MSRA: variants seen among roughly 807,000 people sequenced by gnomAD.
MSRA encodes the protein mitochondrial peptide methionine sulfoxide reductase.
A neutral mutation model predicts 31.3 loss-of-function variants in MSRA; 54 were observed. The observed-to-expected ratio is 1.73, with a 90% confidence interval of 1.39 to 2.17. The LOEUF (loss-of-function observed/expected upper bound fraction) is 2.17, where lower values mean the gene tolerates loss of function less well. Among genes scored for constraint, MSRA ranks in the 30% most tolerant of loss-of-function variants. The pLI is 0.00. For missense variants in MSRA, 507 were observed against 300.9 expected, an observed-to-expected ratio of 1.69 and a Z score of -5.07; for synonymous variants, 169 against 116.5, an observed-to-expected ratio of 1.45 and a Z score of -2.90.
intron 3 of MSRA, among the ~76,000 whole-genome samples, chr8:10,248,063 G>A (rs758975240): frequency 2.4e-4 from 36 of 152,132 alleles, no homozygotes; most frequent in Admixed American, 9.2e-4. Context: ...CCCTGGAGTG[G>A]TCTGACTTAA....
At chr8:10,384,157 G>C (rs536469256) in intron 5 of MSRA, among the ~76,000 whole-genome samples, 1 of 152,284 alleles carries the variant, frequency 6.6e-6, no homozygotes, top group East Asian at 1.9e-4. Flanking sequence ...GTGACGTATA[G>C]GGCTTTGCCA....
intron 5 of MSRA, among the ~76,000 whole-genome samples, chr8:10,351,475 G>C (rs1804144404): frequency 6.6e-6 from 1 of 151,886 alleles, no homozygotes; most frequent in Non-Finnish European, 1.5e-5. Flanking sequence ...GATGGTCTCG[G>C]TCTCTTGACC....
At chr8:10,284,712 G>C (rs1020307751) in intron 3 of MSRA, among the ~76,000 whole-genome samples, 2 of 152,210 alleles carry the variant, frequency 1.3e-5, no homozygotes, top group South Asian at 4.2e-4. Context: ...TCTGGGTTCT[G>C]ACTCCGCCCC....
intron 2 of MSRA, among the ~76,000 whole-genome samples, chr8:10,208,521 C>T (rs775897172): frequency 6.6e-6 from 1 of 152,160 alleles, no homozygotes; most frequent in Non-Finnish European, 1.5e-5. Flanking sequence ...ATCTAAACTT[C>T]CTTCAGAATA....
At chr8:10,412,227 G>A (rs770373780) in intron 5 of MSRA, among the ~76,000 whole-genome samples, 1 of 152,222 alleles carries the variant, frequency 6.6e-6, no homozygotes, top group Non-Finnish European at 1.5e-5. Context: ...AAAATCTGAT[G>A]TATTGCAGCT....
chr8:10,353,096 T>G (rs1249609667), intron 5 of MSRA, among the ~76,000 whole-genome samples: 3 of 152,172 alleles, frequency 2.0e-5, no homozygotes, highest in Non-Finnish European at 4.4e-5. Context: ...TGCATTTTTC[T>G]GTAACCACAG....
chr8:10,074,207 C>T lies in MSRA; in HGVS notation c.142+19549C>T, dbSNP rs374487839. Among the ~76,000 whole-genome samples the T allele has an allele frequency of 4.6e-4, 69 of 151,224 alleles. 2 individuals carry two copies. The highest frequency in any genetic ancestry group is 2.4e-3 in the Admixed American group (36 of 15,184). On this transcript the variant is annotated intron_variant, in intron 1 of 5. Transcript: ENST00000317173. Reference sequence around the variant, plus strand: ...ATACCATTTTCCTGCCTTATCCTCCCGAGTACCTGGGACTACATGCACCCG... The same window carrying T: ...ATACCATTTTCCTGCCTTATCCTCCTGAGTACCTGGGACTACATGCACCCG...
chr8:10,333,252 C>T (rs1410997711), intron 5 of MSRA, among the ~76,000 whole-genome samples: 1 of 152,268 alleles, frequency 6.6e-6, no homozygotes, highest in South Asian at 2.1e-4. Flanking sequence ...TATGTGATGT[C>T]CAGACCCCTT....
chr8:10,247,101 A>G (rs574078126), intron 3 of MSRA, among the ~76,000 whole-genome samples: 1 of 152,356 alleles, frequency 6.6e-6, no homozygotes, highest in African/African-American at 2.4e-5. Context: ...AACCCTTTTC[A>G]GTTCAGCTGT....
chr8:10,225,690 G>A (rs1810938658), intron 2 of MSRA, among the ~76,000 whole-genome samples: 1 of 152,148 alleles, frequency 6.6e-6, no homozygotes, highest in Admixed American at 6.5e-5. Flanking sequence ...TCTTTATGGT[G>A]CCAGCTCTCG....
chr8:10,360,412 C>A (rs574563114), intron 5 of MSRA, among the ~76,000 whole-genome samples: 1 of 152,254 alleles, frequency 6.6e-6, no homozygotes, highest in Non-Finnish European at 1.5e-5. Context: ...TACCTTGTCA[C>A]CTAGTTTTGT....
intron 5 of MSRA, among the ~76,000 whole-genome samples, chr8:10,324,594 G>C (rs1802255686): frequency 6.6e-6 from 1 of 152,174 alleles, no homozygotes; most frequent in South Asian, 2.1e-4. Flanking sequence ...GAGCAATAGA[G>C]CTAAGTGGAC....
At chr8:10,152,494 G>A (rs1389998802) in intron 1 of MSRA, among the ~76,000 whole-genome samples, 3 of 152,074 alleles carry the variant, frequency 2.0e-5, no homozygotes, top group Non-Finnish European at 4.4e-5. Flanking sequence ...AAGAGCCCCA[G>A]GAAAGGCTGA....
In MSRA at chr8:10,054,704, G is replaced by A. The variant is rs1334142330; in HGVS notation, c.142+46G>A. The stretch of plus-strand genomic sequence containing the variant: ...AGGCGCGGGCGGCGACGCTGCGCAT[G>A]CGCGCCTTTGCCCGGCGGCAGCGCG... On this transcript the variant is annotated intron_variant, in intron 1 of 5. Coordinates refer to ENST00000317173, the MANE Select transcript of MSRA (RefSeq NM_012331.5). 5 of 1,448,104 alleles carry A rather than the reference G, an allele frequency of 3.5e-6. No individual in the cohort carries two copies. In the Admixed American group the frequency reaches 7.0e-5, roughly 20 times the overall value. 89.7% of individuals were successfully genotyped at this position (1,448,104 alleles called of 1,614,324 possible).
At chr8:10,370,322 A>G (rs772609547) in intron 5 of MSRA, among the ~76,000 whole-genome samples, 1 of 152,204 alleles carries the variant, frequency 6.6e-6, no homozygotes, top group Non-Finnish European at 1.5e-5. Context: ...CCACTACCAG[A>G]GTACTGCTTC....
At chr8:10,354,468 T>C (rs1001240825) in intron 5 of MSRA, among the ~76,000 whole-genome samples, 1 of 152,180 alleles carries the variant, frequency 6.6e-6, no homozygotes, top group Admixed American at 6.5e-5. Context: ...GCAATTTATG[T>C]TTATAGTGGA....
intron 5 of MSRA, among the ~76,000 whole-genome samples, chr8:10,340,774 G>T (rs1803377613): frequency 6.6e-6 from 1 of 152,248 alleles, no homozygotes; most frequent in Admixed American, 6.5e-5. Context: ...CAAGGGAGGG[G>T]ATGTGGAAGC....
intron 2 of MSRA, 94 bp downstream of exon 2, chr8:10,207,995 C>T: frequency 1.1e-6 from 1 of 909,544 alleles, no homozygotes; most frequent in Non-Finnish European, 1.7e-6. Context: ...GCTTCAAAAT[C>T]TGGGCTCTTC....
At chr8:10,276,266 G>A (rs1029490898) in intron 3 of MSRA, among the ~76,000 whole-genome samples, 1 of 152,204 alleles carries the variant, frequency 6.6e-6, no homozygotes, top group Non-Finnish European at 1.5e-5. Flanking sequence ...GCACATGGTC[G>A]CAGTAAGTGC....
Sources: gnomAD v4.1 joint callset for allele counts (sites outside exome capture counted in the v4.1 genomes callset) on GRCh38, gnomAD v4.1.1 for gene constraint, MANE v1.5 for transcripts, NCBI Gene and HGNC (gene_info 2026-07-23, HGNC 2026-07-21) for gene names.